EPHA7: variants seen among roughly 807,000 people sequenced by gnomAD.
The protein encoded by EPHA7 is EPH receptor A7.
Under a neutral mutation model 112.6 loss-of-function variants are expected in EPHA7, and 25 were observed. The ratio of observed to expected loss-of-function variants is 0.22; its 90% confidence interval spans 0.16 to 0.31. The LOEUF is 0.31. EPHA7 is among the 10% of genes least tolerant of loss of function. The pLI is 1.00. For missense variants in EPHA7, 962 were observed against 1,212.6 expected (o/e 0.79, Z 3.07); for synonymous variants, 437 against 406.5 (o/e 1.07, Z -0.90).
chr6:93,257,553 T>C, intron 11 of EPHA7, 30 bp from the exon 12 acceptor site: 1 of 1,472,664 alleles, frequency 6.8e-7, no homozygotes, highest in Non-Finnish European at 9.4e-7. Flanking sequence ...GTTTCAGGAG[T>C]CGTAACCTGA....
chr6:93,254,127 T>C (rs1311886935), intron 14 of EPHA7, among the ~76,000 whole-genome samples: 1 of 152,112 alleles, frequency 6.6e-6, no homozygotes, highest in Non-Finnish European at 1.5e-5. Flanking sequence ...CTTATTGTGA[T>C]TACATTCTAA....
chr6:93,328,524 T>C (rs994031361), intron 5 of EPHA7, among the ~76,000 whole-genome samples: 3 of 151,468 alleles, frequency 2.0e-5, no homozygotes, highest in African/African-American at 7.3e-5. Context: ...TTTGGCATGA[T>C]GGAATCCACA....
At chr6:93,257,598 A>G in intron 11 of EPHA7, 75 bp from the exon 12 acceptor site, 1 of 914,640 alleles carries the variant, frequency 1.1e-6, no homozygotes, top group Admixed American at 2.2e-5. Flanking sequence ...TCCCCCAATA[A>G]AACACATGGT....
chr6:93,386,213 C>T (rs898121343), intron 3 of EPHA7, among the ~76,000 whole-genome samples: 13 of 152,124 alleles, frequency 8.5e-5, no homozygotes. Flanking sequence ...TCCAAAGTCT[C>T]ATCTGAAACA....
chr6:93,378,477 T>C (rs1295855543), intron 3 of EPHA7, among the ~76,000 whole-genome samples: 1 of 152,096 alleles, frequency 6.6e-6, no homozygotes, highest in Non-Finnish European at 1.5e-5. Context: ...TCAATTAGTT[T>C]AGCGGGAACT....
intron 7 of EPHA7, among the ~76,000 whole-genome samples, chr6:93,268,322 T>C (rs1264905409): frequency 6.6e-6 from 1 of 151,736 alleles, no homozygotes; most frequent in East Asian, 1.9e-4. Context: ...TAACAAAATA[T>C]GTGGAAGAAT....
chr6:93,334,937 G>C (rs1387411981), intron 5 of EPHA7, among the ~76,000 whole-genome samples: 1 of 151,804 alleles, frequency 6.6e-6, no homozygotes, highest in Non-Finnish European at 1.5e-5. Context: ...TTTTTCCCCA[G>C]AAATAGGACA....
chr6:93,398,645 A>G (rs1004052217), intron 3 of EPHA7, among the ~76,000 whole-genome samples: 3 of 152,046 alleles, frequency 2.0e-5, no homozygotes, highest in African/African-American at 4.8e-5. Flanking sequence ...ACTTTATTAT[A>G]ATGAAGGATG....
intron 5 of EPHA7, among the ~76,000 whole-genome samples, chr6:93,286,059 A>T (rs1772046085): frequency 6.6e-6 from 1 of 152,130 alleles, no homozygotes; most frequent in African/African-American, 2.4e-5. Context: ...TTTCAGAAAA[A>T]GTTTGCCTTT....
At chr6:93,275,108 A>G (rs1257579667) in intron 5 of EPHA7, among the ~76,000 whole-genome samples, 4 of 151,950 alleles carry the variant, frequency 2.6e-5, no homozygotes, top group Admixed American at 2.0e-4. Flanking sequence ...AAAAGAAAAT[A>G]ACAGTATACA....
chr6:93,284,741 C>G (rs1402858687), intron 5 of EPHA7, among the ~76,000 whole-genome samples: 2 of 150,814 alleles, frequency 1.3e-5, no homozygotes, highest in East Asian at 2.0e-4. Flanking sequence ...AAAACTAACA[C>G]AAGAACAGAA....
intron 5 of EPHA7, among the ~76,000 whole-genome samples, chr6:93,332,002 A>T (rs1774617243): frequency 6.6e-6 from 1 of 151,586 alleles, no homozygotes; most frequent in Non-Finnish European, 1.5e-5. Flanking sequence ...ATACTATACA[A>T]CTGCTACACA....
rs9345349 is a variant in EPHA7 at position 93,336,951 on chromosome 6, C to T, written c.1324+19766G>A. Among the ~76,000 whole-genome samples, 186 of 150,874 alleles carry T rather than the reference C, an allele frequency of 1.2e-3. No homozygotes were observed. The East Asian group carries it at 0.015, about 12-fold the overall frequency. On this transcript the variant is annotated intron_variant, in intron 5 of 16. Coordinates refer to ENST00000369303, the MANE Select transcript of EPHA7 (RefSeq NM_004440.4). Reference sequence around the variant, plus strand: ...TCAGCCAACCTATTCCTTTTGTTTGCCCTCTATAGGGGTGGCAGTTTGAAG... The same window carrying T: ...TCAGCCAACCTATTCCTTTTGTTTGTCCTCTATAGGGGTGGCAGTTTGAAG...
chr6:93,336,879 A>C (rs1774905504), intron 5 of EPHA7, among the ~76,000 whole-genome samples: 1 of 142,244 alleles, frequency 7.0e-6, no homozygotes, highest in Non-Finnish European at 1.5e-5. Flanking sequence ...ATAGTTTACA[A>C]AGTATTATTT....
chr6:93,363,659 T>C (rs1776362228), intron 3 of EPHA7, among the ~76,000 whole-genome samples: 1 of 152,122 alleles, frequency 6.6e-6, no homozygotes, highest in Admixed American at 6.6e-5. Flanking sequence ...TACCAGTTCC[T>C]CAAAAGAATA....
intron 5 of EPHA7, among the ~76,000 whole-genome samples, chr6:93,302,457 A>G (rs1235825061): frequency 2.0e-5 from 3 of 152,022 alleles, no homozygotes; most frequent in Non-Finnish European, 4.4e-5. Flanking sequence ...TTTATACTTA[A>G]CAATTTCCAG....
Position 93,352,349 on chromosome 6 carries a change from A to G in EPHA7, c.1324+4368T>C, listed in dbSNP as rs189829582. 5.0e-4 allele frequency among the ~76,000 whole-genome samples: 76 copies of G among 152,264 alleles called. 1 individual carries two copies. Among genetic ancestry groups the G allele is most frequent in the African/African-American group, 1.8e-3 (73 of 41,572 alleles). ...CTTCTGTGCTACGATACTTAGTCTC[A>G]GGAAGGAAGGTAGTGGCAATTACCA... On this transcript the variant is annotated intron_variant, in intron 5 of 16. Transcript: ENST00000369303.
At chr6:93,394,854 T>C (rs1271777573) in intron 3 of EPHA7, among the ~76,000 whole-genome samples, 1 of 151,848 alleles carries the variant, frequency 6.6e-6, no homozygotes, top group Non-Finnish European at 1.5e-5. Context: ...CTTTAACCTA[T>C]CTTTTCCCCA....
At position 93,411,029 on chromosome 6, in the gene EPHA7, A is replaced by G. The variant is rs1359470826; in HGVS notation, c.304T>C (p.Leu102=). The part of the protein sequence containing the change: ...KGNAQRIFVE[L]KFTLRDCNSL... The stretch of plus-strand genomic sequence containing the variant: ...TTACAATCCCTCAGGGTGAATTTCA[A>G]TTCTACAAAAATCCTTTGTGCATTG... Residue 102 remains leucine, a synonymous_variant, in exon 3 of 17, where the codon TTG becomes CTG. Coordinates refer to ENST00000369303, the MANE Select transcript of EPHA7 (RefSeq NM_004440.4). 3.1e-6 allele frequency: 5 copies of G among 1,614,076 alleles called. No individual in the cohort carries two copies. Among genetic ancestry groups the G allele is most frequent in the South Asian group, 2.2e-5 (2 of 91,080 alleles).
Sources: allele counts gnomAD v4.1 joint callset (sites outside exome capture counted in the v4.1 genomes callset), GRCh38; gene constraint gnomAD v4.1.1; transcripts MANE v1.5; gene names NCBI Gene and HGNC (gene_info 2026-07-23, HGNC 2026-07-21).